The following GALNT18 variants were observed in gnomAD, a reference collection of about 807,000 sequenced individuals.
GALNT18 encodes polypeptide N-acetylgalactosaminyltransferase 18.
GALNT18 carries 44 observed loss-of-function variants against 69.5 expected under a neutral mutation model. The observed-to-expected ratio is 0.63, with a 90% CI of 0.50 to 0.81. The LOEUF (loss-of-function observed/expected upper bound fraction) is 0.81. Ranked by LOEUF, GALNT18 falls within the 40% of genes least tolerant of loss-of-function variation. The probability of loss-of-function intolerance (pLI) is 0.00; values close to 1 mark genes in which losing one functional copy is unlikely to be tolerated. For missense variants in GALNT18, 715 were observed against 810.0 expected (o/e 0.88, Z 1.42); for synonymous variants, 364 against 318.2 (o/e 1.14, Z -1.53).
chr11:11,559,408 G>T (rs1858410792), intron 1 of GALNT18, among the ~76,000 whole-genome samples: 1 of 152,140 alleles, frequency 6.6e-6, no homozygotes, highest in Non-Finnish European at 1.5e-5. Context: ...TGTTAGACAG[G>T]GAGCTTTCTA....
chr11:11,480,672 T>C lies in GALNT18; in HGVS notation c.236-31736A>G, dbSNP rs544359082. ...ATCACTGAGAGCAGAGAAGTGACAT[T>C]GAGAGGCTGGCTTCAGCCTCCAGAG... On this transcript the variant is annotated intron_variant, in intron 1 of 10. Transcript: ENST00000227756. This position sits in a 1 kb window ranked among gnomAD's most constrained non-coding sequence, Gnocchi z 4.6. 2.0e-5 allele frequency among the ~76,000 whole-genome samples: 3 copies of C among 152,308 alleles called. No individual in the cohort carries two copies. The highest frequency in any genetic ancestry group is 4.1e-4 in the South Asian group (2 of 4,824).
chr11:11,311,297 C>A (rs2133029356), intron 9 of GALNT18, among the ~76,000 whole-genome samples: 1 of 152,292 alleles, frequency 6.6e-6, no homozygotes, highest in African/African-American at 2.4e-5. Flanking sequence ...CTTCCTGCTT[C>A]AAATGAAAGA....
chr11:11,478,296 A>G (rs891673638), intron 1 of GALNT18, among the ~76,000 whole-genome samples: 1 of 152,260 alleles, frequency 6.6e-6, no homozygotes, highest in Non-Finnish European at 1.5e-5. Context: ...CATGCCAATC[A>G]AATGTGAGCG....
Position 11,619,986 on chromosome 11 carries a change from T to C in GALNT18, c.235+1373A>G, listed in dbSNP as rs899581281. Among the ~76,000 whole-genome samples, 1 of 152,130 alleles carries C rather than the reference T, an allele frequency of 6.6e-6. No homozygotes were observed. The highest frequency in any genetic ancestry group is 6.5e-5 in the Admixed American group (1 of 15,286). ...TCTCCTGCACTCACCTGAACCTCCC[T>C]GAACCTTCCCCTCCTGGAAAGGAAC... On this transcript the variant is annotated intron_variant, in intron 1 of 10. Coordinates refer to ENST00000227756, the MANE Select transcript of GALNT18 (RefSeq NM_198516.3). The surrounding 1 kb of genome is among the most constrained non-coding windows in gnomAD (Gnocchi z 4.9).
intron 2 of GALNT18, among the ~76,000 whole-genome samples, chr11:11,447,002 C>T (rs550264496): frequency 2.8e-3 from 420 of 152,258 alleles, no homozygotes; most frequent in South Asian, 0.012. Context: ...TTAAGGCTCC[C>T]GTGATGTGTA....
intron 1 of GALNT18, among the ~76,000 whole-genome samples, chr11:11,509,948 G>A (rs1857136004): frequency 6.6e-6 from 1 of 152,184 alleles, no homozygotes. Context: ...ACACAGCATC[G>A]GTGGTCACAT....
At chr11:11,392,775 ACAG>A (rs1457559010) in intron 3 of GALNT18, among the ~76,000 whole-genome samples, 2 of 152,226 alleles carry the variant, frequency 1.3e-5, no homozygotes, top group African/African-American at 4.8e-5. Flanking sequence ...TGCAAGTTCA[ACAG>A]CATTACAGCC....
chr11:11,371,533 C>G (rs558532993), intron 6 of GALNT18, among the ~76,000 whole-genome samples: 1 of 151,908 alleles, frequency 6.6e-6, no homozygotes, highest in South Asian at 2.1e-4. Flanking sequence ...ATAATCCCTA[C>G]GGACACCAGT....
chr11:11,397,166 G>C (rs1249783696), intron 3 of GALNT18, among the ~76,000 whole-genome samples: 1 of 152,236 alleles, frequency 6.6e-6, no homozygotes, highest in Non-Finnish European at 1.5e-5. Flanking sequence ...TTGGTATTCT[G>C]GGCTTATCAA....
chr11:11,312,510 A>G (rs902147529), intron 9 of GALNT18, among the ~76,000 whole-genome samples: 15 of 152,208 alleles, frequency 9.9e-5, no homozygotes, highest in Non-Finnish European at 1.8e-4. Context: ...CTTTGTGTTC[A>G]GCAGGCTGAG....
rs1858557056 is a variant in GALNT18 at position 11,563,147 on chromosome 11, G to A, written c.235+58212C>T. Among the ~76,000 whole-genome samples the A allele has an allele frequency of 6.6e-6, 1 of 152,124 alleles. No individual in the cohort carries two copies. Among genetic ancestry groups the A allele is most frequent in the Non-Finnish European group, 1.5e-5 (1 of 68,034 alleles). On this transcript the variant is annotated intron_variant, in intron 1 of 10. Transcript: ENST00000227756. The surrounding 1 kb of genome is among the most constrained non-coding windows in gnomAD (Gnocchi z 4.6). ...CACAGAGTGCCCTCAAACAGTGGAG[G>A]AGCAGCTGCTTGCAGTGGGCCCAGC...
intron 2 of GALNT18, among the ~76,000 whole-genome samples, chr11:11,438,476 G>A (rs1194589875): frequency 6.6e-6 from 1 of 152,178 alleles, no homozygotes; most frequent in Non-Finnish European, 1.5e-5. Flanking sequence ...TTGTTTAGAT[G>A]TTTTTACTAT....
chr11:11,391,779 T>G (rs981144581), intron 3 of GALNT18, among the ~76,000 whole-genome samples: 9 of 152,200 alleles, frequency 5.9e-5, no homozygotes, highest in African/African-American at 2.2e-4. Context: ...GTCTGTCCTG[T>G]GCAAGGCACA....
At chr11:11,466,549 A>G (rs11021860) in intron 1 of GALNT18, among the ~76,000 whole-genome samples, 19,790 of 152,186 alleles carry the variant, frequency 0.13, 1,810 homozygotes, top group East Asian at 0.36. Flanking sequence ...ACCCTGAGAG[A>G]GGGGTGAGGG....
chr11:11,306,011 C>A (rs1184391939), intron 9 of GALNT18, among the ~76,000 whole-genome samples: 1 of 152,208 alleles, frequency 6.6e-6, no homozygotes, highest in Non-Finnish European at 1.5e-5. Context: ...TTGGACATCA[C>A]TCTCCATATA....
rs569207578 is a variant in GALNT18, at chr11:11,364,556, G to T, written c.1092+7959C>A. Among the ~76,000 whole-genome samples, 5 of 140,336 alleles carry T rather than the reference G, an allele frequency of 3.6e-5. No homozygotes were observed. The East Asian group carries it at 7.7e-4, about 22-fold the overall frequency. The allele number at this position is 140,336 out of a possible 152,430, so 92.1% of individuals were successfully genotyped here. Reference sequence around the variant, plus strand: ...CTTCAAAAACGAAATTACAAGAGGGGGGGAAAAAGAGATGGAGAAAGATAT... The same window carrying T: ...CTTCAAAAACGAAATTACAAGAGGGTGGGAAAAAGAGATGGAGAAAGATAT... On this transcript the variant is annotated intron_variant, in intron 6 of 10. Coordinates refer to ENST00000227756, the MANE Select transcript of GALNT18 (RefSeq NM_198516.3).
At position 11,537,243 on chromosome 11, in the gene GALNT18, C is replaced by G. The variant is rs141404231; in HGVS notation, c.235+84116G>C. ...AATCGGGGTGGAGCTGTGAGTCAGT[C>G]TGCATTTTTAACCACTGTGCTACCC... On this transcript the variant is annotated intron_variant, in intron 1 of 10. Transcript: ENST00000227756. Among the ~76,000 whole-genome samples, 264 of 152,244 alleles carry G rather than the reference C, an allele frequency of 1.7e-3. 1 individual carries two copies. Among genetic ancestry groups the G allele is most frequent in the African/African-American group, 6.1e-3 (255 of 41,530 alleles).
At chr11:11,400,497 T>C (rs1012410371) in intron 3 of GALNT18, among the ~76,000 whole-genome samples, 5 of 152,170 alleles carry the variant, frequency 3.3e-5, no homozygotes, top group African/African-American at 9.7e-5. Context: ...TCTTTCTTTG[T>C]TCTGGCTGCT....
rs1416962460 is a variant in GALNT18 at position 11,564,009 on chromosome 11, C to T, written c.235+57350G>A. Among the ~76,000 whole-genome samples, 6 of 152,136 alleles carry T rather than the reference C, an allele frequency of 3.9e-5. No homozygotes were observed. The highest frequency in any genetic ancestry group is 9.7e-5 in the African/African-American group (4 of 41,422). ...GCTCCAACGCCCTAAAAACCAGCAA[C>T]GATCAACTAGATGCTGATTACTAGT... On this transcript the variant is annotated intron_variant, in intron 1 of 10. Transcript: ENST00000227756. The surrounding 1 kb of genome is among the most constrained non-coding windows in gnomAD (Gnocchi z 4.3).
Sources: gnomAD v4.1 joint callset for allele counts (sites outside exome capture counted in the v4.1 genomes callset) on GRCh38, gnomAD v4.1.1 for gene constraint, Gnocchi (gnomAD v3.1) non-coding constraint, MANE v1.5 for transcripts, NCBI Gene and HGNC (gene_info 2026-07-23, HGNC 2026-07-21) for gene names.